Variants in UBIAD1 observed in about 807,000 individuals in gnomAD.
UBIAD1 encodes ubiA prenyltransferase domain-containing protein 1.
In UBIAD1, 12 loss-of-function variants were observed where a neutral mutation model predicts 20.1. The ratio of observed to expected loss-of-function variants is 0.60; its 90% CI spans 0.38 to 0.97. UBIAD1 has a LOEUF of 0.97. Among genes scored for constraint, UBIAD1 ranks in the 50% least tolerant of loss-of-function variants. UBIAD1 has a pLI of 0.00. For missense variants in UBIAD1, 333 were observed against 419.5 expected, an observed-to-expected ratio of 0.79 and a Z score of 1.80; for synonymous variants, 207 against 189.2, an observed-to-expected ratio of 1.09 and a Z score of -0.77.
At chr1:11,290,146 G>A (rs1178740640), downstream of UBIAD1, among the ~76,000 whole-genome samples, 2 of 152,188 alleles carry the variant, frequency 1.3e-5, no homozygotes, top group Non-Finnish European at 2.9e-5. Flanking sequence ...GATTACAGGC[G>A]TGAGCCCCCG....
rs560798415 is a variant in UBIAD1, at chr1:11,294,687, T to C, written c.530-186T>C. Among the ~76,000 whole-genome samples, 157 of 152,284 alleles carry C rather than the reference T, an allele frequency of 1.0e-3. 1 individual carries two copies. The highest frequency in any genetic ancestry group is 2.0e-3 in the Non-Finnish European group (133 of 68,032). ...GGGCCAGCTCTGTGGGGATAGTAAC[T>C]AAGCTTGTTGGTCTAACCTACTCTG... is the stretch of plus-strand genomic sequence containing the variant. On this transcript the variant is annotated intron_variant, in intron 1 of 1. Coordinates refer to the UBIAD1 transcript ENST00000376804.
intron 1 of UBIAD1, 69 bp downstream of exon 1, chr1:11,274,129 G>A (rs994424522): frequency 1.3e-6 from 2 of 1,579,370 alleles, no homozygotes; most frequent in African/African-American, 1.3e-5. Context: ...GCTTTGTAAA[G>A]GAGTTATAGG....
At chr1:11,284,593 T>C (rs1652347844) in intron 1 of UBIAD1, among the ~76,000 whole-genome samples, 1 of 152,066 alleles carries the variant, frequency 6.6e-6, no homozygotes, top group Non-Finnish European at 1.5e-5. Flanking sequence ...GCCTCCCGAG[T>C]AGCTGGGATT....
intron 1 of UBIAD1, among the ~76,000 whole-genome samples, chr1:11,275,195 A>G (rs1651970186): frequency 6.6e-6 from 1 of 151,990 alleles, no homozygotes; most frequent in Non-Finnish European, 1.5e-5. Context: ...GAAAAGAGAC[A>G]GAAAGTAAAA....
chr1:11,282,095 G>A (rs900456470), intron 1 of UBIAD1, among the ~76,000 whole-genome samples: 3 of 151,978 alleles, frequency 2.0e-5, no homozygotes, highest in African/African-American at 4.8e-5. Context: ...ATTTTTCTTG[G>A]GTAAATGCCC....
At chr1:11,288,834 C>T (rs149748409), downstream of UBIAD1, among the ~76,000 whole-genome samples, 1,044 of 152,262 alleles carry the variant, frequency 6.9e-3, 12 homozygotes, top group African/African-American at 0.023. Context: ...ATCGCTTGAA[C>T]CTAGCAGGTC....
chr1:11,294,155 TAAC>T (rs753238085), intron 1 of UBIAD1, among the ~76,000 whole-genome samples: 102 of 152,306 alleles, frequency 6.7e-4, no homozygotes, highest in Non-Finnish European at 1.2e-3. Flanking sequence ...TTAGTGCTCA[TAAC>T]AACCCCACGA....
chr1:11,293,812 A>G (rs1638404200), intron 1 of UBIAD1, among the ~76,000 whole-genome samples: 1 of 152,212 alleles, frequency 6.6e-6, no homozygotes, highest in Non-Finnish European at 1.5e-5. Flanking sequence ...AGCAGCTGGG[A>G]TTACAGGCAC....
At chr1:11,279,243 C>A in intron 1 of UBIAD1, 1 of 230,932 alleles carries the variant, frequency 4.3e-6, no homozygotes, top group South Asian at 7.8e-5. Context: ...TCTTCATCAT[C>A]TTTAAGGCCC....
chr1:11,295,224 C>T (rs1376607292), downstream of UBIAD1: 10 of 356,220 alleles, frequency 2.8e-5, no homozygotes, highest in African/African-American at 1.2e-4. Flanking sequence ...TGACAATGAG[C>T]GGCGATCAAG....
chr1:11,276,545 T>G (rs1292898239), intron 1 of UBIAD1, among the ~76,000 whole-genome samples: 1 of 151,666 alleles, frequency 6.6e-6, no homozygotes, highest in Non-Finnish European at 1.5e-5. Context: ...GTGCCTGTAG[T>G]CCTAGCTACT....
intron 1 of UBIAD1, among the ~76,000 whole-genome samples, chr1:11,283,820 C>T (rs1189129424): frequency 6.6e-6 from 1 of 152,136 alleles, no homozygotes; most frequent in Non-Finnish European, 1.5e-5. Context: ...ATTTTCTGAT[C>T]TTGAGTCCAC....
chr1:11,296,373 C>G (rs1638448338), downstream of UBIAD1, among the ~76,000 whole-genome samples: 1 of 152,144 alleles, frequency 6.6e-6, no homozygotes, highest in Non-Finnish European at 1.5e-5. Flanking sequence ...GCTACATAAC[C>G]TCTTTGAGCT....
downstream of UBIAD1, among the ~76,000 whole-genome samples, chr1:11,297,968 T>TG (rs111650496): frequency 1.9e-5 from 2 of 108,066 alleles, no homozygotes; most frequent in African/African-American, 8.3e-5. Context: ...TGTTTTTTTG[T>TG]TTTTTTTTTG....
intron 1 of UBIAD1, chr1:11,278,470 A>C (rs1652132736): frequency 2.6e-6 from 1 of 378,066 alleles, no homozygotes; most frequent in Non-Finnish European, 4.5e-6. Context: ...TATTAAATAT[A>C]TTCTTACAAA....
At chr1:11,277,451 T>C (rs911662704) in intron 1 of UBIAD1, among the ~76,000 whole-genome samples, 4 of 151,982 alleles carry the variant, frequency 2.6e-5, no homozygotes, top group East Asian at 1.9e-4. Flanking sequence ...TTTGTATTTT[T>C]AGTAGAGACG....
Position 11,274,050 on chromosome 1 carries a change from C to G in UBIAD1, c.519C>G (p.Leu173=). 6.2e-7 allele frequency: 1 copy of G among 1,614,184 alleles called. No individual in the cohort carries two copies. Among genetic ancestry groups the G allele is most frequent in the Non-Finnish European group, 8.5e-7 (1 of 1,180,044 alleles). ...IYFGGLSGSF[L]YTGGIGFKYV... The stretch of plus-strand genomic sequence containing the variant: ...TTGGAGGCCTGTCTGGCTCCTTTCT[C>G]TACACAGGAGGTAAGATTTGGCCTG... Residue 173 remains leucine (L), a synonymous_variant, in exon 1 of 2, where the codon CTC becomes CTG. Coordinates refer to ENST00000376810, the MANE Select transcript of UBIAD1 (RefSeq NM_013319.3).
At chr1:11,280,576 C>T (rs777434449) in intron 1 of UBIAD1, among the ~76,000 whole-genome samples, 5 of 152,326 alleles carry the variant, frequency 3.3e-5, no homozygotes, top group Non-Finnish European at 7.3e-5. Flanking sequence ...AGGAAACCTG[C>T]TTCGCCCACA....
rs1199854051 is a variant in UBIAD1, at chr1:11,277,426, C to G, written c.529+3366C>G. Among the ~76,000 whole-genome samples the G allele has an allele frequency of 2.6e-5, 4 of 151,618 alleles. No homozygotes were observed. In the South Asian group the frequency reaches 8.3e-4, roughly 32 times the overall value. ...ATCCCAGTAGCTGGGATTACAGGTG[C>G]CCGCCTGGCTAATTTTTGTATTTTT... On this transcript the variant is annotated intron_variant, in intron 1 of 1. Transcript: ENST00000376810.
Sources: gnomAD v4.1 joint callset for allele counts (sites outside exome capture counted in the v4.1 genomes callset) on GRCh38, gnomAD v4.1.1 for gene constraint, MANE v1.5 for transcripts, NCBI Gene and HGNC (gene_info 2026-07-23, HGNC 2026-07-21) for gene names.